Variants in KYAT1 observed in about 807,000 individuals in gnomAD.
KYAT1 encodes kynurenine aminotransferase 1.
Under a neutral mutation model 52.4 loss-of-function variants are expected in KYAT1, and 47 were observed. That is an observed-to-expected ratio of 0.90 (90% CI 0.71 to 1.14). The LOEUF (loss-of-function observed/expected upper bound fraction) is 1.14. KYAT1 is among the 50% of genes most tolerant of loss of function. KYAT1 has a pLI of 0.00. For missense variants in KYAT1, 480 were observed against 557.9 expected (o/e 0.86, Z 1.41); for synonymous variants, 212 against 209.6 (o/e 1.01, Z -0.10).
At position 128,845,365 on chromosome 9, in the gene KYAT1, T is replaced by A. The variant is rs1414041129; in HGVS notation, c.41A>T (p.Asp14Val). The A allele has an allele frequency of 1.9e-6, 3 of 1,613,732 alleles. 1 individual carries two copies. The South Asian group carries it at 3.3e-5, about 18-fold the overall frequency. ...CCAGCTGGCTCACCAGGGGTTGTAG[T>A]CGATCCCGTCTAGCCTTCGGGCCTG... ...QLQARRLDGI[D>V]YNPWVEFVKL... The change falls in exon 2 of 13, where the codon GAC (aspartate) becomes GTC (valine). Residue 14 changes from aspartate to valine, a missense_variant. Physicochemically the swap from Asp to Val is radical, Grantham distance 152. Coordinates refer to ENST00000302586, the MANE Select transcript of KYAT1 (RefSeq NM_004059.5).
At chr9:128,881,806 C>T (rs1838968547) in intron 1 of KYAT1, 91 bp downstream of exon 1, 3 of 152,284 alleles carry the variant, frequency 2.0e-5, no homozygotes, top group Admixed American at 1.3e-4. Context: ...TCATTAAGCA[C>T]TCTAGCACAA....
chr9:128,862,764 G>A (rs1835633231), intron 1 of KYAT1, among the ~76,000 whole-genome samples: 1 of 152,208 alleles, frequency 6.6e-6, no homozygotes, highest in East Asian at 1.9e-4. Flanking sequence ...CAGGGGACTG[G>A]CAGTGCATCG....
At chr9:128,849,681 C>T (rs1231302146) in intron 1 of KYAT1, among the ~76,000 whole-genome samples, 1 of 149,162 alleles carries the variant, frequency 6.7e-6, no homozygotes, top group East Asian at 2.1e-4. Flanking sequence ...CCTGTAATCC[C>T]AGCTACTCAG....
chr9:128,858,507 G>C (rs1834996608), intron 1 of KYAT1, among the ~76,000 whole-genome samples: 1 of 148,930 alleles, frequency 6.7e-6, no homozygotes, highest in Admixed American at 6.8e-5. Flanking sequence ...AGACCAGCCT[G>C]ACCAATATGA....
intron 1 of KYAT1, chr9:128,846,984 A>G: frequency 1.1e-6 from 1 of 888,726 alleles, no homozygotes; most frequent in Non-Finnish European, 1.7e-6. Flanking sequence ...TGAGGCTTGA[A>G]GAGGCTCAGG....
intron 1 of KYAT1, among the ~76,000 whole-genome samples, chr9:128,867,477 C>A (rs926255495): frequency 6.6e-6 from 1 of 152,144 alleles, no homozygotes; most frequent in African/African-American, 2.4e-5. Flanking sequence ...GTGCACCCAG[C>A]CCTAAAAGCT....
Position 128,833,774 on chromosome 9 carries a change from T to A in KYAT1, c.1175A>T (p.His392Leu), listed in dbSNP as rs576493732. Residue 392 changes from histidine (H) to leucine (L), a missense_variant, in exon 12 of 13, where the codon CAC (histidine) becomes CTC (leucine). By Grantham distance (99) the His-to-Leu change is moderately conservative. Transcript: ENST00000302586. ...ACAGAAGCGGATATAGTGGTCAAAGTGCTTCTGATGTGGCACACTATAGAA... is the reference window on the plus strand; with the variant it reads ...ACAGAAGCGGATATAGTGGTCAAAGAGCTTCTGATGTGGCACACTATAGAA... ...SIFYSVPHQK[H>L]FDHYIRFCFV... is the part of the protein sequence containing the mutation. 1 of 1,614,218 alleles carries A rather than the reference T, an allele frequency of 6.2e-7. No homozygotes were observed. Among genetic ancestry groups the A allele is most frequent in the Admixed American group, 1.7e-5 (1 of 60,020 alleles).
Position 128,835,624 on chromosome 9 carries a change from C to G in KYAT1, c.899G>C (p.Arg300Pro), listed in dbSNP as rs370680048. The G allele has an allele frequency of 6.2e-7, 1 of 1,611,770 alleles. No homozygotes were observed. The highest frequency in any genetic ancestry group is 8.5e-7 in the Non-Finnish European group (1 of 1,179,942). Residue 300 changes from arginine (R) to proline (P), a missense_variant, in exon 10 of 13, where the codon CGC becomes CCC. Physicochemically the swap from Arg to Pro is moderately radical, Grantham distance 103 (BLOSUM62 -2). Transcript: ENST00000302586. ...ESFEREQLLF[R>P]QPSSYFVQFP... is the part of the protein sequence containing the mutation. ...CTGCACAAAGTAGCTGCTGGGTTGG[C>G]GGAAGAGCAGCTGCTCCCGTTCAAA...
intron 1 of KYAT1, among the ~76,000 whole-genome samples, chr9:128,876,328 C>T (rs1156957402): frequency 6.6e-6 from 1 of 151,706 alleles, no homozygotes; most frequent in Non-Finnish European, 1.5e-5. Context: ...CTCAAGTGAT[C>T]CTCTGGTCTT....
chr9:128,844,479 G>GC (rs1266197164), intron 2 of KYAT1, among the ~76,000 whole-genome samples: 1 of 149,734 alleles, frequency 6.7e-6, no homozygotes, highest in Non-Finnish European at 1.5e-5. Flanking sequence ...AGGAGTTCGA[G>GC]ACCAGCCTGG....
Position 128,842,701 on chromosome 9 carries a change from G to C in KYAT1, c.154C>G (p.His52Asp). 6.2e-7 allele frequency: 1 copy of C among 1,614,196 alleles called. No homozygotes were observed. Among genetic ancestry groups the C allele is most frequent in the Non-Finnish European group, 8.5e-7 (1 of 1,180,010 alleles). ...AGCATGAAGTCTCCACTGACAGCGT[G>C]CTGAAAGGCTTCCACGGCAAAGTCT... is the stretch of plus-strand genomic sequence containing the variant. Reference protein sequence around the residue: ...PPDFAVEAFQHAVSGDFMLNQ... With the variant: ...PPDFAVEAFQDAVSGDFMLNQ... Residue 52 changes from histidine (H) to aspartate (D), a missense_variant, in exon 3 of 13, where the codon CAC becomes GAC. Coordinates refer to ENST00000302586, the MANE Select transcript of KYAT1 (RefSeq NM_004059.5).
chr9:128,837,695 G>C lies in KYAT1; in HGVS notation c.557C>G (p.Pro186Arg), dbSNP rs1313171619. ...AGGTCCCTCCAGTACCTTGCCCAGG[G>C]GGTTGTTGGGGGTGTTGAGGACCAG... ...KALVLNTPNN[P>R]LGKVFSREEL... is the part of the protein sequence containing the mutation. Residue 186 changes from proline to arginine, a missense_variant, in exon 6 of 13, where the codon CCC becomes CGC. Transcript: ENST00000302586. The C allele has an allele frequency of 6.2e-7, 1 of 1,614,018 alleles. No homozygotes were observed. The highest frequency in any genetic ancestry group is 8.5e-7 in the Non-Finnish European group (1 of 1,180,028).
At chr9:128,870,602 A>C (rs1237062724) in intron 1 of KYAT1, among the ~76,000 whole-genome samples, 4 of 152,254 alleles carry the variant, frequency 2.6e-5, no homozygotes, top group East Asian at 3.9e-4. Context: ...ATGACACTGC[A>C]CTCCAGTCTG....
At chr9:128,848,355 AAG>A in intron 1 of KYAT1, among the ~76,000 whole-genome samples, 1 of 151,804 alleles carries the variant, frequency 6.6e-6, no homozygotes. Context: ...ATGCCTGAAA[AAG>A]AAGAAAAAAA....
chr9:128,851,161 T>C (rs1263880542), intron 1 of KYAT1, among the ~76,000 whole-genome samples: 2 of 152,186 alleles, frequency 1.3e-5, no homozygotes, highest in Non-Finnish European at 2.9e-5. Context: ...TTTGTCTCTG[T>C]GTCTTATTTC....
rs1830899573 is a variant in KYAT1, at chr9:128,835,541, C to T, written c.982G>A (p.Gly328Ser). ...CCCTGAGGGATGATGGGCTTCAGGCCCACTGACTGTAGGCTACGTATCATG... is the reference window on the plus strand; with the variant it reads ...CCCTGAGGGATGATGGGCTTCAGGCTCACTGACTGTAGGCTACGTATCATG... ...DHMIRSLQSV[G>S]LKPIIPQGSY... The change falls in exon 10 of 13, where the codon GGC becomes AGC. Residue 328 changes from glycine to serine, a missense_variant. Physicochemically the swap from Gly to Ser is moderately conservative, Grantham distance 56. Coordinates refer to ENST00000302586, the MANE Select transcript of KYAT1 (RefSeq NM_004059.5). The T allele has an allele frequency of 6.2e-7, 1 of 1,613,756 alleles. No homozygotes were observed. Among genetic ancestry groups the T allele is most frequent in the Non-Finnish European group, 8.5e-7 (1 of 1,180,024 alleles).
intron 1 of KYAT1, among the ~76,000 whole-genome samples, chr9:128,848,105 A>G (rs369373808): frequency 3.3e-5 from 5 of 152,312 alleles, no homozygotes; most frequent in African/African-American, 9.6e-5. Flanking sequence ...GGATCTCTTG[A>G]GCCCAGGAGT....
intron 1 of KYAT1, among the ~76,000 whole-genome samples, chr9:128,871,410 A>T (rs938498136): frequency 1.3e-5 from 2 of 152,068 alleles, no homozygotes; most frequent in African/African-American, 4.8e-5. Flanking sequence ...ATTGTAGAGA[A>T]AGCTGGATGT....
chr9:128,856,746 C>T (rs1045669198), intron 1 of KYAT1, among the ~76,000 whole-genome samples: 2 of 152,214 alleles, frequency 1.3e-5, no homozygotes, highest in Admixed American at 1.3e-4. Context: ...ACCAGGGGCA[C>T]AACGCACTGC....
Sources: allele counts gnomAD v4.1 joint callset (sites outside exome capture counted in the v4.1 genomes callset), GRCh38; gene constraint gnomAD v4.1.1; transcripts MANE v1.5; gene names NCBI Gene and HGNC (gene_info 2026-07-23, HGNC 2026-07-21).